Variants in DEAF1 observed in about 807,000 individuals in gnomAD.
DEAF1 encodes DEAF1 transcription factor.
Under a neutral mutation model 58.9 loss-of-function variants are expected in DEAF1, and 53 were observed. The observed-to-expected ratio is 0.90, with a 90% CI of 0.72 to 1.13. The LOEUF (loss-of-function observed/expected upper bound fraction) is 1.13. Among genes scored for constraint, DEAF1 ranks in the 50% most tolerant of loss-of-function variants. DEAF1 has a pLI of 0.00. For missense variants in DEAF1, 685 were observed against 791.4 expected (o/e 0.87, Z 1.61); for synonymous variants, 385 against 340.4 (o/e 1.13, Z -1.44).
At chr11:687,209 G>A (rs973684792) in intron 4 of DEAF1, among the ~76,000 whole-genome samples, 5 of 152,152 alleles carry the variant, frequency 3.3e-5, no homozygotes, top group African/African-American at 4.8e-5. Context: ...CTCTCCACCC[G>A]CTGTCCACAG....
In DEAF1 at chr11:693,884, G is replaced by A. The variant is rs1044809988; in HGVS notation, c.289+875C>T. ...CAAAGGAAGCCCGACAGGAAGCGGG[G>A]CAGGAGGAGCAGGTCCTTAGGGAAA... On this transcript the variant is annotated intron_variant, in intron 1 of 11. Transcript: ENST00000382409. Among the ~76,000 whole-genome samples the A allele has an allele frequency of 3.9e-5, 6 of 152,364 alleles. No homozygotes were observed. In the East Asian group the frequency reaches 7.7e-4, roughly 20 times the overall value.
Position 653,965 on chromosome 11 carries a change from G to A in DEAF1, c.1590C>T (p.Arg530=), listed in dbSNP as rs1433590945. ...GCCTGGTGTAGGTGAGACCTACCTT[G>A]CGTTGGCAGAAGGTGGAGCAGTAGT... ...KVNYCSTFCQ[R]KDWKDHQHIC... is the part of the protein sequence containing the mutation. The change falls in exon 11 of 12, where the codon CGC becomes CGT. Residue 530 remains arginine, a synonymous_variant. Transcript: ENST00000382409. 6 of 1,613,868 alleles carry A rather than the reference G, an allele frequency of 3.7e-6. No individual in the cohort carries two copies. The highest frequency in any genetic ancestry group is 5.1e-6 in the Non-Finnish European group (6 of 1,179,912).
chr11:666,844 C>T (rs908564011), intron 10 of DEAF1, among the ~76,000 whole-genome samples: 4 of 131,278 alleles, frequency 3.0e-5, no homozygotes, highest in African/African-American at 8.8e-5. Context: ...TGTCACTGCA[C>T]TCTAGCCTGG....
chr11:683,557 ATTTCAAAACTGTTTTGGCTTTTTTG>A (rs547349338), intron 6 of DEAF1, among the ~76,000 whole-genome samples: 14 of 152,150 alleles, frequency 9.2e-5, no homozygotes, highest in Admixed American at 1.3e-4. Flanking sequence ...TTAAACTTTT[ATTTCAAAACTGTTTTGGCTTTTTTG>A]TTTCAAAACT....
intron 6 of DEAF1, 28 bp downstream of exon 6, chr11:684,870 T>G (rs374363758): frequency 2.3e-5 from 36 of 1,550,046 alleles, no homozygotes; most frequent in Non-Finnish European, 3.1e-5. Flanking sequence ...CACCAAGTCA[T>G]CCTGTTCCAG....
Position 644,597 on chromosome 11 carries a change from C to T in DEAF1, c.1651G>A (p.Asp551Asn), listed in dbSNP as rs368188987. The stretch of plus-strand genomic sequence containing the variant: ...ACGCTTTCAGCCACGTGGACTTCGT[C>T]TGCCTGGACGGTGACAGCTGCTGAC... ...GQSAAVTVQADEVHVAESVME... is the reference protein window; with the variant it reads ...GQSAAVTVQANEVHVAESVME... Residue 551 changes from aspartate to asparagine, a missense_variant, in exon 12 of 12, where the codon GAC (aspartate) becomes AAC (asparagine). By Grantham distance (23) the Asp-to-Asn change is conservative. Coordinates refer to ENST00000382409, the MANE Select transcript of DEAF1 (RefSeq NM_021008.4). The surrounding 1 kb of genome is among the most constrained non-coding windows in gnomAD (Gnocchi z 4.3). 2 of 1,613,262 alleles carry T rather than the reference C, an allele frequency of 1.2e-6. No homozygotes were observed. The highest frequency in any genetic ancestry group is 2.7e-5 in the African/African-American group (2 of 75,048).
intron 9 of DEAF1, among the ~76,000 whole-genome samples, chr11:676,654 G>A (rs1446550044): frequency 6.6e-6 from 1 of 151,962 alleles, no homozygotes; most frequent in Admixed American, 6.6e-5. Flanking sequence ...ACAGGCATCT[G>A]CCACCAGGCC....
At chr11:673,565 G>C (rs150396519) in intron 10 of DEAF1, among the ~76,000 whole-genome samples, 3 of 152,100 alleles carry the variant, frequency 2.0e-5, no homozygotes, top group African/African-American at 7.2e-5. Context: ...AAAAGAAATG[G>C]GGGAAAACGT....
At position 656,674 on chromosome 11, in the gene DEAF1, C is replaced by G. The variant is rs189222007; in HGVS notation, c.1504-2623G>C. ...AGCGGCCCCCACGCTGAGAAGGGCA[C>G]GGGTCTCCGTGTCCAGCAGTCCCTG... On this transcript the variant is annotated intron_variant, in intron 10 of 11. Transcript: ENST00000382409. 9.8e-5 allele frequency among the ~76,000 whole-genome samples: 15 copies of G among 152,298 alleles called. No individual in the cohort carries two copies. In the East Asian group the frequency reaches 2.5e-3, roughly 25 times the overall value.
In DEAF1 at chr11:680,961, A is replaced by G. The variant is rs1368555027; in HGVS notation, c.997+2T>C. On this transcript the variant is annotated splice_donor_variant, in intron 7 of 11. Coordinates refer to ENST00000382409, the MANE Select transcript of DEAF1 (RefSeq NM_021008.4). LOFTEE classifies it high-confidence loss of function. Reference sequence around the variant, plus strand: ...ACTAGAGCTGTGTTTTCTCAAACTCACAGGTGGTAGCCGCGGTGGCTGGAA... The same window carrying G: ...ACTAGAGCTGTGTTTTCTCAAACTCGCAGGTGGTAGCCGCGGTGGCTGGAA... 6.2e-7 allele frequency: 1 copy of G among 1,613,984 alleles called. No individual in the cohort carries two copies. Among genetic ancestry groups the G allele is most frequent in the Admixed American group, 1.7e-5 (1 of 59,986 alleles).
At chr11:702,888 G>T (rs1047122648) in intron 1 of DEAF1, 4 of 1,513,280 alleles carry the variant, frequency 2.6e-6, no homozygotes, top group Non-Finnish European at 3.6e-6. Context: ...ACCTGTGGGC[G>T]GTGGGCTCCA....
intron 10 of DEAF1, chr11:666,539 AC>A (rs1859531783): frequency 6.6e-6 from 1 of 152,144 alleles, no homozygotes; most frequent in Non-Finnish European, 1.5e-5. Flanking sequence ...CCTCCTCTCT[AC>A]CAAAAATACA....
upstream of DEAF1, chr11:695,666 G>C (rs1033447496): frequency 1.6e-5 from 20 of 1,244,718 alleles, no homozygotes; most frequent in Non-Finnish European, 2.0e-5. Context: ...GAGCGGTGCC[G>C]GACGGACTAA....
Position 645,680 on chromosome 11 carries a change from A to G in DEAF1, c.1594-1026T>C, listed in dbSNP as rs73402966. Among the ~76,000 whole-genome samples, 342 of 152,260 alleles carry G rather than the reference A, an allele frequency of 2.2e-3. 2 individuals carry two copies. The highest frequency in any genetic ancestry group is 7.8e-3 in the African/African-American group (324 of 41,560). On this transcript the variant is annotated intron_variant, in intron 11 of 11. Coordinates refer to ENST00000382409, the MANE Select transcript of DEAF1 (RefSeq NM_021008.4). ...CTGGAACCAGCCCGTGGCTGCAGAGAAAGGAGGTGGGGGATGGTGCCTGGG... is the reference window on the plus strand; with the variant it reads ...CTGGAACCAGCCCGTGGCTGCAGAGGAAGGAGGTGGGGGATGGTGCCTGGG...
rs145994913 is a variant in DEAF1 at position 656,561 on chromosome 11, C to T, written c.1504-2510G>A. On this transcript the variant is annotated intron_variant, in intron 10 of 11. Transcript: ENST00000382409. The stretch of plus-strand genomic sequence containing the variant: ...CATTCTGGGTTGCTCTGTGGATGGC[C>T]GGGCCAGGCAGGACCCTGGTCCAGC... 2.4e-4 allele frequency among the ~76,000 whole-genome samples: 37 copies of T among 152,364 alleles called. No homozygotes were observed. The East Asian group carries it at 6.6e-3, about 27-fold the overall frequency.
intron 1 of DEAF1, among the ~76,000 whole-genome samples, chr11:701,568 G>T (rs998124284): frequency 5.9e-5 from 9 of 151,980 alleles, no homozygotes; most frequent in Non-Finnish European, 5.9e-5. Flanking sequence ...CCGCCACCAC[G>T]CCCGGCTCAT....
chr11:699,735 G>A (rs1008879057), upstream of DEAF1: 5 of 177,594 alleles, frequency 2.8e-5, no homozygotes, highest in South Asian at 5.9e-4. Context: ...CTGGGCAACA[G>A]AGCAAGACTC....
chr11:691,366 G>A (rs572884026), intron 2 of DEAF1, 135 bp downstream of exon 2: 13 of 799,436 alleles, frequency 1.6e-5, no homozygotes, highest in Admixed American at 6.1e-5. Context: ...AGAGCAGAGC[G>A]AGCCAGTGCG....
chr11:669,119 C>G (rs1279325490), intron 10 of DEAF1, among the ~76,000 whole-genome samples: 2 of 136,648 alleles, frequency 1.5e-5, no homozygotes, highest in Middle Eastern at 7.8e-3. Flanking sequence ...GCCACTGCAC[C>G]CGACCCTTTT....
Sources: gnomAD v4.1 joint callset for allele counts (sites outside exome capture counted in the v4.1 genomes callset) on GRCh38, gnomAD v4.1.1 for gene constraint, Gnocchi (gnomAD v3.1) non-coding constraint, MANE v1.5 for transcripts, NCBI Gene and HGNC (gene_info 2026-07-23, HGNC 2026-07-21) for gene names.